XYLT1: variants seen among roughly 807,000 people sequenced by gnomAD.
XYLT1 encodes beta-D-xylosyltransferase 1.
In XYLT1, 36 loss-of-function variants were observed where a neutral mutation model predicts 91.3. That is an observed-to-expected ratio of 0.39 (90% CI 0.30 to 0.52). The LOEUF is 0.52. Among genes scored for constraint, XYLT1 ranks in the 20% least tolerant of loss-of-function variants. The pLI, the probability that XYLT1 is intolerant of heterozygous loss-of-function variation, is 0.68. For synonymous variants in XYLT1, 588 were observed against 532.0 expected, an observed-to-expected ratio of 1.11 and a Z score of -1.45; for missense variants, 1,242 against 1,284.5, an observed-to-expected ratio of 0.97 and a Z score of 0.51.
intron 3 of XYLT1, among the ~76,000 whole-genome samples, chr16:17,231,660 C>T (rs1437862369): frequency 6.6e-6 from 1 of 152,142 alleles, no homozygotes; most frequent in Admixed American, 6.5e-5. Context: ...TCCTAGGCTA[C>T]AAACCTGGAC....
intron 5 of XYLT1, among the ~76,000 whole-genome samples, chr16:17,161,345 G>A (rs1477506096): frequency 1.3e-5 from 2 of 152,200 alleles, no homozygotes; most frequent in Non-Finnish European, 2.9e-5. Flanking sequence ...CAGAGCTTTT[G>A]GGCAAAGCCG....
At chr16:17,148,887 C>A (rs1228065022) in intron 6 of XYLT1, among the ~76,000 whole-genome samples, 1 of 152,202 alleles carries the variant, frequency 6.6e-6, no homozygotes, top group African/African-American at 2.4e-5. Flanking sequence ...ATCTTTCTGC[C>A]AGACCTCTGG....
intron 5 of XYLT1, chr16:17,193,333 C>T (rs2032359634): frequency 6.6e-6 from 1 of 152,150 alleles, no homozygotes; most frequent in Non-Finnish European, 1.5e-5. Flanking sequence ...GAAATAGGCA[C>T]TAATATTGTG....
At chr16:17,184,578 T>C (rs1034648027) in intron 5 of XYLT1, among the ~76,000 whole-genome samples, 2 of 152,184 alleles carry the variant, frequency 1.3e-5, no homozygotes, top group Non-Finnish European at 2.9e-5. Context: ...ATTGAAAATT[T>C]AGTTCCTCAG....
At chr16:17,239,232 C>G (rs2033298134) in intron 3 of XYLT1, among the ~76,000 whole-genome samples, 2 of 151,308 alleles carry the variant, frequency 1.3e-5, no homozygotes, top group South Asian at 4.2e-4. Flanking sequence ...ATCCATCCAT[C>G]CATTCATCTC....
intron 1 of XYLT1, among the ~76,000 whole-genome samples, chr16:17,389,607 G>A (rs1430296669): frequency 6.6e-6 from 1 of 152,146 alleles, no homozygotes; most frequent in Non-Finnish European, 1.5e-5. Flanking sequence ...ATCAGCCCCA[G>A]GCCATTTTTA....
At chr16:17,325,934 G>A (rs2141833916) in intron 2 of XYLT1, among the ~76,000 whole-genome samples, 1 of 152,306 alleles carries the variant, frequency 6.6e-6, no homozygotes, top group Middle Eastern at 3.4e-3. Context: ...TGTTCAGGAG[G>A]GACCTGAGAT....
chr16:17,225,173 A>ACG (rs761445257), intron 3 of XYLT1, among the ~76,000 whole-genome samples: 1 of 100,736 alleles, frequency 9.9e-6, no homozygotes, highest in African/African-American at 6.2e-5. Context: ...ACACACACAC[A>ACG]CACACTCTCT....
chr16:17,300,846 A>T (rs2034384936), intron 2 of XYLT1, among the ~76,000 whole-genome samples: 1 of 152,120 alleles, frequency 6.6e-6, no homozygotes. Context: ...GACAAAAGCA[A>T]GACACAAAAT....
intron 2 of XYLT1, among the ~76,000 whole-genome samples, chr16:17,288,314 C>T (rs1361666770): frequency 2.6e-5 from 4 of 151,078 alleles, no homozygotes; most frequent in African/African-American, 9.7e-5. Context: ...AGCAGAGAGG[C>T]TACAAGATAA....
intron 5 of XYLT1, among the ~76,000 whole-genome samples, chr16:17,194,386 G>C (rs545386618): frequency 2.6e-5 from 4 of 152,202 alleles, no homozygotes; most frequent in African/African-American, 7.2e-5. Context: ...TGGCCTCTAG[G>C]GGGCAGCAAT....
At chr16:17,244,406 C>A (rs983268678) in intron 3 of XYLT1, among the ~76,000 whole-genome samples, 2 of 152,086 alleles carry the variant, frequency 1.3e-5, no homozygotes, top group African/African-American at 4.8e-5. Flanking sequence ...GGATCCCAGG[C>A]AGAATGCAGG....
chr16:17,108,848 C>T lies in XYLT1; in HGVS notation c.2727G>A (p.Leu909=). The T allele has an allele frequency of 6.2e-7, 1 of 1,613,168 alleles. No individual in the cohort carries two copies. Among genetic ancestry groups the T allele is most frequent in the East Asian group, 2.2e-5 (1 of 44,870 alleles). Residue 909 remains leucine (L), a synonymous_variant, in exon 12 of 12, where the codon TTG becomes TTA. Transcript: ENST00000261381. ...GTALEGWLDS[L]VGGMWTAMDI... ...CCATGGCAGTCCACATCCCGCCCAC[C>T]AACGAGTCCAGCCATCCCTCCAGCG...
At chr16:17,298,015 G>A (rs573099998) in intron 2 of XYLT1, among the ~76,000 whole-genome samples, 61 of 148,564 alleles carry the variant, frequency 4.1e-4, no homozygotes, top group Admixed American at 2.6e-3. Context: ...GCGAGACTCC[G>A]TCTCAAAAAA....
chr16:17,128,780 A>AAAAGGAGTACCTCGGAGGAGACCAGT (rs2030353832), intron 9 of XYLT1, among the ~76,000 whole-genome samples: 1 of 152,232 alleles, frequency 6.6e-6, no homozygotes, highest in African/African-American at 2.4e-5. Context: ...CAGATGGCAA[A>AAAAGGAGTACCTCGGAGGAGACCAGT]AAAGGAGTAC....
chr16:17,279,347 T>C (rs1180578319), intron 2 of XYLT1, among the ~76,000 whole-genome samples: 2 of 152,214 alleles, frequency 1.3e-5, no homozygotes, highest in Non-Finnish European at 2.9e-5. Context: ...AAATTGTAGC[T>C]GTTACTAGTA....
intron 1 of XYLT1, among the ~76,000 whole-genome samples, chr16:17,372,467 T>C (rs958491482): frequency 6.6e-6 from 1 of 152,226 alleles, no homozygotes; most frequent in Non-Finnish European, 1.5e-5. Context: ...ACAGTGTCAA[T>C]GGCAGACAGA....
At chr16:17,232,892 G>A (rs964809301) in intron 3 of XYLT1, among the ~76,000 whole-genome samples, 2 of 151,958 alleles carry the variant, frequency 1.3e-5, no homozygotes, top group African/African-American at 4.8e-5. Context: ...TTATATACTC[G>A]CCTACTTATT....
chr16:17,133,430 A>G (rs943700080), intron 9 of XYLT1, among the ~76,000 whole-genome samples: 1 of 151,900 alleles, frequency 6.6e-6, no homozygotes, highest in Non-Finnish European at 1.5e-5. Flanking sequence ...GAGAAAAGAT[A>G]TTCATCAGAA....
Sources: allele counts gnomAD v4.1 joint callset (sites outside exome capture counted in the v4.1 genomes callset), GRCh38; gene constraint gnomAD v4.1.1; transcripts MANE v1.5; gene names NCBI Gene and HGNC (gene_info 2026-07-23, HGNC 2026-07-21).